PALM3: variants seen among roughly 807,000 people sequenced by gnomAD.
PALM3 encodes the protein paralemmin-3.
In PALM3, 20 loss-of-function variants were observed where a neutral mutation model predicts 27.9. The ratio of observed to expected loss-of-function variants is 0.72; its 90% CI spans 0.50 to 1.04. The LOEUF (loss-of-function observed/expected upper bound fraction) is 1.04. Among genes scored for constraint, PALM3 ranks in the 50% least tolerant of loss-of-function variants. The pLI is 0.00. For synonymous variants in PALM3, 328 were observed against 352.7 expected (o/e 0.93, Z 0.79); for missense variants, 814 against 869.4 (o/e 0.94, Z 0.80).
intron 1 of PALM3, 21 bp downstream of exon 1, chr19:14,061,919 C>G (rs1976420088): frequency 1.0e-6 from 1 of 984,808 alleles, no homozygotes; most frequent in South Asian, 4.7e-5. Flanking sequence ...CACCAGCCCC[C>G]CTGACCCCCC....
intron 2 of PALM3, among the ~76,000 whole-genome samples, chr19:14,058,018 G>T (rs1222928469): frequency 6.6e-6 from 1 of 152,204 alleles, no homozygotes; most frequent in Admixed American, 6.5e-5. Context: ...TGAGGCGGGA[G>T]AATCTCTTGA....
At position 14,059,174 on chromosome 19, in the gene PALM3, A is replaced by C; in HGVS notation, c.42-11T>G. On this transcript the variant is annotated splice_polypyrimidine_tract_variant and intron_variant, in intron 1 of 6. Transcript: ENST00000669674. Reference sequence around the variant, plus strand: ...CTCTCCGCCATGGGCCTGTTGGGAGAGGGCAGGGGCTTCGAGGGGCTCCCA... The same window carrying C: ...CTCTCCGCCATGGGCCTGTTGGGAGCGGGCAGGGGCTTCGAGGGGCTCCCA... The C allele has an allele frequency of 6.9e-7, 1 of 1,441,316 alleles. No individual in the cohort carries two copies. The highest frequency in any genetic ancestry group is 3.5e-5 in the Admixed American group (1 of 28,268). 89.3% of individuals were successfully genotyped at this position (1,441,316 alleles called of 1,614,324 possible).
rs372500968 is a variant in PALM3, at chr19:14,055,418, C to T, written c.407G>A (p.Arg136His). The T allele has an allele frequency of 5.2e-6, 8 of 1,551,412 alleles. No homozygotes were observed. The highest frequency in any genetic ancestry group is 3.6e-5 in the South Asian group (3 of 84,066). Residue 136 changes from arginine (R) to histidine (H), a missense_variant, in exon 6 of 7, where the codon CGT becomes CAT. Transcript: ENST00000669674. Reference protein sequence around the residue: ...GRPSWRRQGHRPLSQSIVEAG... With the variant: ...GRPSWRRQGHHPLSQSIVEAG... The stretch of plus-strand genomic sequence containing the variant: ...CTCGACAATGGACTGGGAGAGAGGA[C>T]GGTGACCCTGCAGAGATGGCGGAGA...
At position 14,054,415 on chromosome 19, in the gene PALM3, T is replaced by C; in HGVS notation, c.1257A>G (p.Ile419Met). The change falls in exon 7 of 7, where the codon ATA (isoleucine) becomes ATG (methionine). Residue 419 changes from isoleucine to methionine, a missense_variant. By Grantham distance (10) the Ile-to-Met change is conservative. Transcript: ENST00000669674. Reference protein sequence around the residue: ...EKRKAEESMGIGSEEKPGTGR... With the variant: ...EKRKAEESMGMGSEEKPGTGR... ...CTGTCCCTGGCTTTTCCTCACTTCC[T>C]ATTCCCATGGATTCTTCCGCTTTTC... 6.4e-7 allele frequency: 1 copy of C among 1,551,988 alleles called. No homozygotes were observed. The highest frequency in any genetic ancestry group is 8.7e-7 in the Non-Finnish European group (1 of 1,147,004).
Position 14,054,909 on chromosome 19 carries a change from G to C in PALM3, c.763C>G (p.Leu255Val). 6.5e-7 allele frequency: 1 copy of C among 1,549,220 alleles called. No homozygotes were observed. Among genetic ancestry groups the C allele is most frequent in the Non-Finnish European group, 8.7e-7 (1 of 1,146,960 alleles). Residue 255 changes from leucine to valine, a missense_variant, in exon 7 of 7, where the codon CTG becomes GTG. Leu to Val is a conservative substitution (Grantham distance 32). Coordinates refer to ENST00000669674, the MANE Select transcript of PALM3 (RefSeq NM_001145028.2). ...DCATGATGPELEAKVEEVVLE... is the reference protein window; with the variant it reads ...DCATGATGPEVEAKVEEVVLE... Reference sequence around the variant, plus strand: ...ACCACTTCCTCCACCTTAGCCTCCAGCTCGGGGCCCGTGGCCCCTGTGGCA... The same window carrying C: ...ACCACTTCCTCCACCTTAGCCTCCACCTCGGGGCCCGTGGCCCCTGTGGCA...
chr19:14,059,023 G>T, intron 2 of PALM3, 92 bp downstream of exon 2: 1 of 1,243,456 alleles, frequency 8.0e-7, no homozygotes. Context: ...GGCTGGAGCT[G>T]AGGGCGCTCT....
intron 4 of PALM3, 32 bp downstream of exon 4, chr19:14,056,630 G>A (rs777197628): frequency 1.2e-5 from 18 of 1,551,640 alleles, no homozygotes; most frequent in Non-Finnish European, 1.4e-5. Flanking sequence ...GCTGGGGCAG[G>A]GTTCGGGCAG....
At chr19:14,061,888 A>G (rs969765529) in intron 1 of PALM3, 52 bp downstream of exon 1, 16 of 957,388 alleles carry the variant, frequency 1.7e-5, no homozygotes, top group Admixed American at 6.2e-5. Flanking sequence ...ATCCCCCATG[A>G]GCCCCTCCCA....
rs1018050663 is a variant in PALM3, at chr19:14,053,665, G to A, written c.2007C>T (p.Thr669=). 1.8e-5 allele frequency: 27 copies of A among 1,474,004 alleles called. No homozygotes were observed. In the East Asian group the frequency reaches 2.2e-4, roughly 12 times the overall value. The allele number at this position is 1,474,004 out of a possible 1,614,324, so 91.3% of individuals were successfully genotyped here. Residue 669 remains threonine, a synonymous_variant, in exon 7 of 7, where the codon ACC becomes ACT. Coordinates refer to ENST00000669674, the MANE Select transcript of PALM3 (RefSeq NM_001145028.2). ...PARQPEPSAP[T]EGEEASGPKQ... is the part of the protein sequence containing the mutation. ...TAGGGCCACTTGCCTCTTCACCCTC[G>A]GTGGGGGCAGATGGCTCAGGCTGCC...
At chr19:14,057,576 C>A (rs1490309374) in intron 2 of PALM3, 145 bp from the exon 3 acceptor site, 4 of 480,100 alleles carry the variant, frequency 8.3e-6, no homozygotes, top group Non-Finnish European at 1.3e-5. Flanking sequence ...GGTGGCCCAG[C>A]GCGGGTCTGC....
Position 14,057,377 on chromosome 19 carries a change from C to A in PALM3, c.145G>T (p.Glu49Ter), listed in dbSNP as rs2145704541. The A allele has an allele frequency of 1.3e-6, 2 of 1,545,578 alleles. No individual in the cohort carries two copies. Among genetic ancestry groups the A allele is most frequent in the Non-Finnish European group, 1.7e-6 (2 of 1,145,450 alleles). ...IRAARREVEE[E>*]KLRVERLKRK... ...TTGAGACGCTCCACGCGGAGTTTCT[C>A]CTCCTCCACCTCCCGGCGCGCGGCG... Residue 49 changes from glutamate (E) to a stop codon, truncating the protein, a stop_gained, in exon 3 of 7, where the codon GAG becomes TAG. Transcript: ENST00000669674. LOFTEE classifies it high-confidence loss of function.
chr19:14,057,449 G>A lies in PALM3; in HGVS notation c.91-18C>T. The A allele has an allele frequency of 6.6e-7, 1 of 1,513,168 alleles. No homozygotes were observed. The highest frequency in any genetic ancestry group is 1.2e-5 in the South Asian group (1 of 82,196). 93.7% of individuals were successfully genotyped at this position (1,513,168 alleles called of 1,614,324 possible). The stretch of plus-strand genomic sequence containing the variant: ...CGCTTCTCCTGCGCACAGAGGACCC[G>A]GAGCTGCCCGCCGGCCGGGCGCGGC... On this transcript the variant is annotated intron_variant, in intron 2 of 6. Transcript: ENST00000669674.
In PALM3 at chr19:14,055,237, C is replaced by CA; in HGVS notation, c.446-12dup. 7.0e-7 allele frequency: 1 copy of CA among 1,424,012 alleles called. No homozygotes were observed. Among genetic ancestry groups the CA allele is most frequent in the South Asian group, 1.3e-5 (1 of 74,874 alleles). The allele number at this position is 1,424,012 out of a possible 1,614,324, so 88.2% of individuals were successfully genotyped here. On this transcript the variant is annotated splice_polypyrimidine_tract_variant and intron_variant, in intron 6 of 6. Transcript: ENST00000669674. ...TCAGATCAGTCTGGCCTGGGGGAGT[C>CA]AGAGGTGGAGGGGAGAGGACAAAAG... is the stretch of plus-strand genomic sequence containing the variant.
Position 14,054,788 on chromosome 19 carries a change from C to T in PALM3, c.884G>A (p.Gly295Glu), listed in dbSNP as rs775432753. ...DRGIVEVVWE[G>E]VGGSDAEAMG... Reference sequence around the variant, plus strand: ...GGCCTCTGCATCACTGCCACCCACCCCCTCCCAGACCACCTCCACGATGCC... The same window carrying T: ...GGCCTCTGCATCACTGCCACCCACCTCCTCCCAGACCACCTCCACGATGCC... The change falls in exon 7 of 7, where the codon GGG (glycine) becomes GAG (glutamate). Residue 295 changes from glycine to glutamate, a missense_variant. Physicochemically the swap from Gly to Glu is moderately conservative, Grantham distance 98. Coordinates refer to ENST00000669674, the MANE Select transcript of PALM3 (RefSeq NM_001145028.2). The T allele has an allele frequency of 6.4e-7, 1 of 1,550,842 alleles. No homozygotes were observed.
At chr19:14,055,914 C>A (rs1976296714) in intron 5 of PALM3, among the ~76,000 whole-genome samples, 1 of 151,576 alleles carries the variant, frequency 6.6e-6, no homozygotes, top group African/African-American at 2.4e-5. Context: ...GCATGCCCAG[C>A]TAATTTTTGT....
chr19:14,062,034 T>G lies in PALM3; in HGVS notation c.-54A>C, dbSNP rs998941716. 2 of 973,018 alleles carry G rather than the reference T, an allele frequency of 2.1e-6. No homozygotes were observed. The highest frequency in any genetic ancestry group is 2.4e-6 in the Non-Finnish European group (2 of 818,698). The allele number at this position is 973,018 out of a possible 1,614,324, so 60.3% of individuals were successfully genotyped here. Reference sequence around the variant, plus strand: ...CCGAGTTCTGGACCCACCACCCGCTTGCCTGAAGGTGCCCCGGAGGCTGTG... The same window carrying G: ...CCGAGTTCTGGACCCACCACCCGCTGGCCTGAAGGTGCCCCGGAGGCTGTG... On this transcript the variant is annotated 5_prime_UTR_variant, in exon 1 of 7. Transcript: ENST00000669674.
rs1173034723 is a variant in PALM3 at position 14,054,755 on chromosome 19, T to TC, written c.916dup (p.Glu306GlyfsTer7). Reference sequence around the variant, plus strand: ...CACGACCTCAGGGACCCTGCCTATCTCCCCCATGGCCTCTGCATCACTGCC... The same window carrying TC: ...CACGACCTCAGGGACCCTGCCTATCTCCCCCCATGGCCTCTGCATCACTGCC... On this transcript the variant is annotated frameshift_variant, in exon 7 of 7. Coordinates refer to ENST00000669674, the MANE Select transcript of PALM3 (RefSeq NM_001145028.2). LOFTEE classifies it low-confidence loss of function (END_TRUNC). 6.4e-7 allele frequency: 1 copy of TC among 1,551,546 alleles called. No individual in the cohort carries two copies. The highest frequency in any genetic ancestry group is 2.0e-5 in the Admixed American group (1 of 50,972).
chr19:14,059,862 G>A (rs1445222409), intron 1 of PALM3, among the ~76,000 whole-genome samples: 2 of 152,102 alleles, frequency 1.3e-5, no homozygotes, highest in Non-Finnish European at 2.9e-5. Context: ...TGAGCTGGGA[G>A]GAGGGGGACT....
chr19:14,059,028 C>T, intron 2 of PALM3, 87 bp downstream of exon 2: 1 of 1,265,190 alleles, frequency 7.9e-7, no homozygotes, highest in Non-Finnish European at 1.0e-6. Context: ...GAGCTGAGGG[C>T]GCTCTCCGCA....
Sources: gnomAD v4.1 joint callset for allele counts (sites outside exome capture counted in the v4.1 genomes callset) on GRCh38, gnomAD v4.1.1 for gene constraint, MANE v1.5 for transcripts, NCBI Gene and HGNC (gene_info 2026-07-23, HGNC 2026-07-21) for gene names.